Variants in SHANK2 observed in about 807,000 individuals in gnomAD.
The protein encoded by SHANK2 is SH3 and multiple ankyrin repeat domains 2, also known as SH3 and multiple ankyrin repeat domains protein 2.
SHANK2 carries 43 observed loss-of-function variants against 133.7 expected under a neutral mutation model. The ratio of observed to expected loss-of-function variants is 0.32; its 90% CI spans 0.25 to 0.41. The LOEUF is 0.41. SHANK2 is among the 10% of genes least tolerant of loss of function. The pLI is 1.00. For missense variants in SHANK2, 1,994 were observed against 2,235.8 expected (o/e 0.89, Z 2.18); for synonymous variants, 1,017 against 952.8 (o/e 1.07, Z -1.24).
chr11:70,837,948 T>C (rs899530544), intron 11 of SHANK2, among the ~76,000 whole-genome samples: 2 of 115,040 alleles, frequency 1.7e-5, no homozygotes, highest in Non-Finnish European at 3.2e-5. Context: ...CACTCCAGCC[T>C]GGGCAACAGA....
rs117035625 is a variant in SHANK2 at position 70,657,245 on chromosome 11, A to G, written c.2061+2583T>C. Among the ~76,000 whole-genome samples the G allele has an allele frequency of 1.7e-3, 256 of 152,252 alleles. 4 individuals are homozygous for G. In the East Asian group the frequency reaches 0.038, roughly 23 times the overall value. On this transcript the variant is annotated intron_variant, in intron 17 of 25. Coordinates refer to ENST00000601538, the MANE Select transcript of SHANK2 (RefSeq NM_012309.5). ...TTTTCACGTGGAGACCTTGCACCTC[A>G]CCGGGAGCTCAGAAACCCCACTGAC...
chr11:70,888,505 C>A (rs1949782517), intron 11 of SHANK2, among the ~76,000 whole-genome samples: 1 of 152,092 alleles, frequency 6.6e-6, no homozygotes, highest in Non-Finnish European at 1.5e-5. Context: ...CCAGGGAAGG[C>A]AGGTTTGAGG....
chr11:70,847,362 G>A (rs909318656), intron 11 of SHANK2, among the ~76,000 whole-genome samples: 5 of 152,184 alleles, frequency 3.3e-5, no homozygotes, highest in Non-Finnish European at 7.4e-5. Context: ...GTCTCACAGG[G>A]TGGTGACGGG....
chr11:71,084,074 A>G (rs1448939983), intron 8 of SHANK2, among the ~76,000 whole-genome samples: 1 of 151,538 alleles, frequency 6.6e-6, no homozygotes, highest in Admixed American at 6.6e-5. Context: ...GGTTCATGCC[A>G]TTCTCCTGCC....
chr11:71,185,352 C>G (rs1344433477), intron 2 of SHANK2, among the ~76,000 whole-genome samples: 1 of 152,224 alleles, frequency 6.6e-6, no homozygotes, highest in Non-Finnish European at 1.5e-5. Context: ...ACCTTCACCT[C>G]CTTCTGGTCC....
intron 1 of SHANK2, among the ~76,000 whole-genome samples, chr11:71,244,184 T>C (rs1349423409): frequency 6.6e-6 from 1 of 152,162 alleles, no homozygotes; most frequent in African/African-American, 2.4e-5. Context: ...TAAACTGCCT[T>C]AGGCTCTGCC....
At chr11:71,168,076 T>C (rs868984656) in intron 2 of SHANK2, among the ~76,000 whole-genome samples, 58 of 75,540 alleles carry the variant, frequency 7.7e-4, no homozygotes, top group African/African-American at 2.6e-3. Context: ...GACGGGGCGG[T>C]TGCCGGGCGG....
chr11:70,550,426 C>T (rs1416339943), intron 17 of SHANK2, among the ~76,000 whole-genome samples: 3 of 151,894 alleles, frequency 2.0e-5, no homozygotes, highest in Non-Finnish European at 4.4e-5. Flanking sequence ...GGATGCTCTT[C>T]GGTTTTTGGC....
rs1460544820 is a variant in SHANK2, at chr11:70,807,787, AC to A, written c.1494-617del. Reference sequence around the variant, plus strand: ...GGAGGTTGCGGTGAGCCAAGACTGCACCATTGCACTCCAGCCTGGGTGACAG... The same window carrying A: ...GGAGGTTGCGGTGAGCCAAGACTGCACATTGCACTCCAGCCTGGGTGACAG... On this transcript the variant is annotated intron_variant, in intron 12 of 25. Coordinates refer to ENST00000601538, the MANE Select transcript of SHANK2 (RefSeq NM_012309.5). The surrounding 1 kb of genome is among the most constrained non-coding windows in gnomAD (Gnocchi z 4.8). Among the ~76,000 whole-genome samples the A allele has an allele frequency of 2.0e-5, 3 of 151,986 alleles. No homozygotes were observed. The highest frequency in any genetic ancestry group is 4.4e-5 in the Non-Finnish European group (3 of 68,014).
chr11:70,880,763 C>G (rs1949647064), intron 11 of SHANK2, among the ~76,000 whole-genome samples: 1 of 152,234 alleles, frequency 6.6e-6, no homozygotes, highest in Non-Finnish European at 1.5e-5. Context: ...GATTTTCCCT[C>G]CATAGAACAA....
At chr11:71,098,619 T>C (rs1474216993) in intron 6 of SHANK2, among the ~76,000 whole-genome samples, 2 of 151,990 alleles carry the variant, frequency 1.3e-5, no homozygotes, top group Non-Finnish European at 2.9e-5. Context: ...GCTCCAGACA[T>C]GAGTGGAGTC....
intron 17 of SHANK2, among the ~76,000 whole-genome samples, chr11:70,505,951 A>G (rs1305032034): frequency 1.3e-5 from 2 of 152,186 alleles, no homozygotes; most frequent in Non-Finnish European, 2.9e-5. Flanking sequence ...GATCTTGGCC[A>G]GAGCTGGCCC....
chr11:70,677,441 C>T (rs548179408), intron 15 of SHANK2, among the ~76,000 whole-genome samples: 4 of 152,308 alleles, frequency 2.6e-5, no homozygotes, highest in East Asian at 3.9e-4. Context: ...AAATTAGCCT[C>T]GCTCGAATGA....
intron 17 of SHANK2, among the ~76,000 whole-genome samples, chr11:70,572,565 G>A (rs535832439): frequency 1.3e-3 from 203 of 152,302 alleles, no homozygotes; most frequent in Admixed American, 4.8e-3. Context: ...AGAGAGAAGA[G>A]GGAAACAAGG....
At chr11:70,637,515 C>T (rs996576800) in intron 17 of SHANK2, among the ~76,000 whole-genome samples, 25 of 152,220 alleles carry the variant, frequency 1.6e-4, no homozygotes, top group Admixed American at 2.0e-4. Flanking sequence ...AATGAGCGGC[C>T]GGAGAGCCAG....
At chr11:70,638,868 G>T (rs1261782023) in intron 17 of SHANK2, among the ~76,000 whole-genome samples, 1 of 152,052 alleles carries the variant, frequency 6.6e-6, no homozygotes, top group African/African-American at 2.4e-5. Flanking sequence ...ATGGTTGCAG[G>T]TACCTGTAAT....
At chr11:70,551,855 T>C (rs1181777278) in intron 17 of SHANK2, among the ~76,000 whole-genome samples, 1 of 152,152 alleles carries the variant, frequency 6.6e-6, no homozygotes, top group African/African-American at 2.4e-5. Flanking sequence ...GCAGGCACAG[T>C]CAGGAGTGCT....
At chr11:70,501,991 G>C in intron 19 of SHANK2, 60 bp from the exon 20 acceptor site, 1 of 1,534,122 alleles carries the variant, frequency 6.5e-7, no homozygotes, top group East Asian at 2.4e-5. Context: ...AAAGAGGAAA[G>C]GCAGGACTAG....
intron 3 of SHANK2, among the ~76,000 whole-genome samples, chr11:71,145,534 G>T (rs1952627279): frequency 6.6e-6 from 1 of 152,216 alleles, no homozygotes; most frequent in Non-Finnish European, 1.5e-5. Context: ...AGCAGGGCTG[G>T]GGGTGGGCTG....
Sources: gnomAD v4.1 joint callset for allele counts (sites outside exome capture counted in the v4.1 genomes callset) on GRCh38, gnomAD v4.1.1 for gene constraint, Gnocchi (gnomAD v3.1) non-coding constraint, MANE v1.5 for transcripts, NCBI Gene and HGNC (gene_info 2026-07-23, HGNC 2026-07-21) for gene names.